The following PIP4P2 variants were observed in gnomAD, a reference collection of about 807,000 sequenced individuals.
The protein encoded by PIP4P2 is phosphatidylinositol-4,5-bisphosphate 4-phosphatase 2.
Under a neutral mutation model 33.3 loss-of-function variants are expected in PIP4P2, and 19 were observed. The observed-to-expected ratio is 0.57, with a 90% CI of 0.40 to 0.84. PIP4P2 has a LOEUF of 0.84. Among genes scored for constraint, PIP4P2 ranks in the 40% least tolerant of loss-of-function variants. PIP4P2 has a pLI of 0.00. For synonymous variants in PIP4P2, 110 were observed against 111.9 expected (o/e 0.98, Z 0.11); for missense variants, 270 against 324.7 (o/e 0.83, Z 1.29).
In PIP4P2 at chr8:91,020,230, C is replaced by A; in HGVS notation, c.289G>T (p.Val97Phe). 2 of 1,613,748 alleles carry A rather than the reference C, an allele frequency of 1.2e-6. No individual in the cohort carries two copies. Among genetic ancestry groups the A allele is most frequent in the African/African-American group, 1.3e-5 (1 of 75,032 alleles). ...IKNPPTGKKY[V>F]RCPCNCLLIC... The stretch of plus-strand genomic sequence containing the variant: ...AGAAGACAATTACAAGGGCATCTAA[C>A]ATATTTCTTGCCTGTTGGGGGGTTT... Residue 97 changes from valine (V) to phenylalanine (F), a missense_variant, in exon 3 of 7, where the codon GTT becomes TTT. Val to Phe is a conservative substitution (Grantham distance 50, BLOSUM62 -1). Transcript: ENST00000285419.
intron 1 of PIP4P2, among the ~76,000 whole-genome samples, chr8:91,027,864 C>T (rs898637903): frequency 1.3e-5 from 2 of 152,166 alleles, no homozygotes; most frequent in Admixed American, 1.3e-4. Flanking sequence ...ACCTCACTAC[C>T]TCCCCTGGGA....
intron 3 of PIP4P2, among the ~76,000 whole-genome samples, chr8:91,019,395 C>CAAAAAAA (rs71510466): frequency 4.1e-4 from 8 of 19,706 alleles, no homozygotes; most frequent in African/African-American, 1.9e-3. Flanking sequence ...CCTGTCTCTA[C>CAAAAAAA]AAAAAAAAAA....
At chr8:91,025,420 C>A (rs1211884115) in intron 1 of PIP4P2, among the ~76,000 whole-genome samples, 6 of 152,162 alleles carry the variant, frequency 3.9e-5, no homozygotes, top group African/African-American at 1.4e-4. Flanking sequence ...CAAACAGCCC[C>A]TCTGTCTTGC....
chr8:91,023,628 G>A (rs1429591172), intron 1 of PIP4P2, among the ~76,000 whole-genome samples: 3 of 151,934 alleles, frequency 2.0e-5, no homozygotes, highest in Non-Finnish European at 4.4e-5. Flanking sequence ...GGAGGCTTGG[G>A]AAGTGGAGGG....
chr8:91,008,729 G>A lies in PIP4P2; in HGVS notation c.539+14C>T, dbSNP rs762658566. ...AGTATTTCTCAATAATATTTCCAATGGTAGGGAACTTACATTTTTTTGCAG... is the reference window on the plus strand; with the variant it reads ...AGTATTTCTCAATAATATTTCCAATAGTAGGGAACTTACATTTTTTTGCAG... On this transcript the variant is annotated intron_variant, in intron 5 of 6. Transcript: ENST00000285419. 6.2e-7 allele frequency: 1 copy of A among 1,606,574 alleles called. No individual in the cohort carries two copies. The highest frequency in any genetic ancestry group is 8.5e-7 in the Non-Finnish European group (1 of 1,174,458).
chr8:91,007,001 A>G (rs1412851417), intron 5 of PIP4P2, among the ~76,000 whole-genome samples: 2 of 152,128 alleles, frequency 1.3e-5, no homozygotes, highest in African/African-American at 2.4e-5. Context: ...TTTCTTTTCT[A>G]TAAGATCTTT....
intron 1 of PIP4P2, 33 bp from the exon 2 acceptor site, chr8:91,021,437 T>C: frequency 6.2e-7 from 1 of 1,607,194 alleles, no homozygotes; most frequent in Non-Finnish European, 8.5e-7. Flanking sequence ...ATCAGAGTCT[T>C]GGAGAAATTA....
At chr8:91,025,586 T>C (rs1482589305) in intron 1 of PIP4P2, among the ~76,000 whole-genome samples, 1 of 152,214 alleles carries the variant, frequency 6.6e-6, no homozygotes, top group Non-Finnish European at 1.5e-5. Context: ...GGCAGTTTAA[T>C]TCACTTACTA....
chr8:91,008,743 AT>A lies in PIP4P2; in HGVS notation c.538del (p.Ile180SerfsTer21), dbSNP rs1158949501. 1.2e-6 allele frequency: 2 copies of A among 1,609,308 alleles called. No individual in the cohort carries two copies. Among genetic ancestry groups the A allele is most frequent in the African/African-American group, 1.3e-5 (1 of 74,962 alleles). ...ATATTTCCAATGGTAGGGAACTTAC[AT>A]TTTTTTGCAGTGTGGGCATTTTGCC... ...TLAKCPHCKK[I>X]SSVGSALPRR... On this transcript the variant is annotated frameshift_variant and splice_region_variant, in exon 5 of 7. Transcript: ENST00000285419. LOFTEE classifies it high-confidence loss of function.
chr8:90,999,126 A>G (rs1811669212), intron 5 of PIP4P2, among the ~76,000 whole-genome samples: 1 of 152,132 alleles, frequency 6.6e-6, no homozygotes, highest in Admixed American at 6.6e-5. Context: ...ACTTTTCAAA[A>G]GAAGATATAC....
At chr8:90,998,265 T>C (rs1811655873) in intron 5 of PIP4P2, among the ~76,000 whole-genome samples, 2 of 152,198 alleles carry the variant, frequency 1.3e-5, no homozygotes, top group South Asian at 2.1e-4. Flanking sequence ...TCTAAGTGAA[T>C]ATTAGAGCGG....
chr8:91,029,364 G>A (rs976292452), intron 1 of PIP4P2, among the ~76,000 whole-genome samples: 1 of 152,038 alleles, frequency 6.6e-6, no homozygotes, highest in Non-Finnish European at 1.5e-5. Context: ...CCCCACTGTA[G>A]CAAGCAGGGG....
At chr8:91,014,884 T>C (rs1811892481) in intron 4 of PIP4P2, among the ~76,000 whole-genome samples, 2 of 151,978 alleles carry the variant, frequency 1.3e-5, no homozygotes, top group Non-Finnish European at 2.9e-5. Flanking sequence ...CATTAGGCTG[T>C]ACACCTCAAA....
chr8:90,995,562 C>T lies in PIP4P2; in HGVS notation c.*115G>A. On this transcript the variant is annotated 3_prime_UTR_variant, in exon 7 of 7. Coordinates refer to ENST00000285419, the MANE Select transcript of PIP4P2 (RefSeq NM_018710.3). ...ATAAAAGACTCCCAAAGTCTTGAAA[C>T]GATTATACATAAACCAGAATGGAAT... is the stretch of plus-strand genomic sequence containing the variant. 3 of 1,299,750 alleles carry T rather than the reference C, an allele frequency of 2.3e-6. No homozygotes were observed. Among genetic ancestry groups the T allele is most frequent in the South Asian group, 2.0e-5 (1 of 49,816 alleles). 80.5% of individuals were successfully genotyped at this position (1,299,750 alleles called of 1,614,324 possible).
chr8:91,007,831 T>A (rs1586176568), intron 5 of PIP4P2, among the ~76,000 whole-genome samples: 2 of 152,288 alleles, frequency 1.3e-5, no homozygotes, highest in Admixed American at 1.3e-4. Context: ...AAACATAAAT[T>A]CCATTCAAAC....
chr8:91,002,129 A>G (rs1313012788), intron 5 of PIP4P2, among the ~76,000 whole-genome samples: 1 of 152,038 alleles, frequency 6.6e-6, no homozygotes, highest in Non-Finnish European at 1.5e-5. Flanking sequence ...TGTGAGGCCA[A>G]TGCCTTCTCT....
chr8:91,035,718 G>A (rs888951392), intron 1 of PIP4P2, among the ~76,000 whole-genome samples: 2 of 152,160 alleles, frequency 1.3e-5, no homozygotes, highest in East Asian at 1.9e-4. Flanking sequence ...GACAATATGT[G>A]TATGACATCT....
At chr8:91,033,222 A>T (rs1812194985) in intron 1 of PIP4P2, among the ~76,000 whole-genome samples, 1 of 152,210 alleles carries the variant, frequency 6.6e-6, no homozygotes. Context: ...TCACATTTCT[A>T]ATTGAATAAC....
In PIP4P2 at chr8:91,040,857, G is replaced by GCCT; in HGVS notation, c.-109_-108insAGG. Reference sequence around the variant, plus strand: ...TGCCGCTGCTGCCGCTGCAGCTGCTGCTGCTGCCGCCTCCGGGAGGGCCCG... The same window carrying GCCT: ...TGCCGCTGCTGCCGCTGCAGCTGCTGCCTCTGCTGCCGCCTCCGGGAGGGCCCG... On this transcript the variant is annotated 5_prime_UTR_variant, in exon 1 of 7. Transcript: ENST00000285419. 1 of 1,051,100 alleles carries GCCT rather than the reference G, an allele frequency of 9.5e-7. No homozygotes were observed. Among genetic ancestry groups the GCCT allele is most frequent in the Non-Finnish European group, 1.4e-6 (1 of 712,808 alleles). The allele number at this position is 1,051,100 out of a possible 1,614,324, so 65.1% of individuals were successfully genotyped here.
Sources: allele counts gnomAD v4.1 joint callset (sites outside exome capture counted in the v4.1 genomes callset), GRCh38; gene constraint gnomAD v4.1.1; transcripts MANE v1.5; gene names NCBI Gene and HGNC (gene_info 2026-07-23, HGNC 2026-07-21).